CCDC85A: variants seen among roughly 807,000 people sequenced by gnomAD.
CCDC85A encodes the protein coiled-coil domain containing 85A.
CCDC85A carries 38 observed loss-of-function variants against 50.2 expected under a neutral mutation model. That is an observed-to-expected ratio of 0.76 (90% CI 0.58 to 0.99). The LOEUF is 0.99. Among genes scored for constraint, CCDC85A ranks in the 50% least tolerant of loss-of-function variants. The pLI is 0.00. For synonymous variants in CCDC85A, 366 were observed against 301.4 expected (o/e 1.21, Z -2.22); for missense variants, 820 against 742.0 (o/e 1.11, Z -1.22).
At chr2:56,328,584 C>T (rs190188758) in intron 2 of CCDC85A, among the ~76,000 whole-genome samples, 27 of 152,284 alleles carry the variant, frequency 1.8e-4, no homozygotes, top group African/African-American at 4.8e-4. Context: ...TTCCCTTCCT[C>T]GTCTGGTGGA....
In CCDC85A at chr2:56,193,392, C is replaced by T; in HGVS notation, c.1192C>T (p.Gln398Ter). 1 of 1,611,112 alleles carries T rather than the reference C, an allele frequency of 6.2e-7. No homozygotes were observed. Among genetic ancestry groups the T allele is most frequent in the Non-Finnish European group, 8.5e-7 (1 of 1,178,642 alleles). ...GGAGGGCACCCTCAGACGGCAGGCA[C>T]AGGAGGACGGGTCACCCCATCACCG... is the stretch of plus-strand genomic sequence containing the variant. Reference protein sequence around the residue: ...SREGTLRRQAQEDGSPHHRNV... With the variant: ...SREGTLRRQA The change falls in exon 2 of 6, where the codon CAG becomes TAG. Residue 398 changes from glutamine to a stop codon, truncating the protein, a stop_gained. Transcript: ENST00000407595. LOFTEE classifies it high-confidence loss of function.
chr2:56,338,034 C>T (rs1674164204), intron 2 of CCDC85A, among the ~76,000 whole-genome samples: 1 of 152,158 alleles, frequency 6.6e-6, no homozygotes, highest in Admixed American at 6.5e-5. Context: ...CCGCCTGCCT[C>T]AGCCTCCCAA....
intron 2 of CCDC85A, among the ~76,000 whole-genome samples, chr2:56,316,139 G>T (rs1296097797): frequency 6.6e-6 from 1 of 152,116 alleles, no homozygotes; most frequent in Non-Finnish European, 1.5e-5. Context: ...ATTTGGGTTA[G>T]TTAACAGCTG....
At chr2:56,189,312 T>TTTTTTTTTTTTTTTTTTA (rs1572998269) in intron 1 of CCDC85A, among the ~76,000 whole-genome samples, 4 of 149,848 alleles carry the variant, frequency 2.7e-5, no homozygotes, top group Non-Finnish European at 4.4e-5. Flanking sequence ...TTTTTTTTTT[T>TTTTTTTTTTTTTTTTTTA]GAGACAAGGT....
At chr2:56,240,229 T>C (rs186679237) in intron 2 of CCDC85A, among the ~76,000 whole-genome samples, 39 of 152,294 alleles carry the variant, frequency 2.6e-4, no homozygotes, top group African/African-American at 8.7e-4. Flanking sequence ...TTCGTTTGCA[T>C]AGGGTATAAC....
intron 2 of CCDC85A, among the ~76,000 whole-genome samples, chr2:56,193,845 G>C (rs1676422880): frequency 6.6e-6 from 1 of 152,130 alleles, no homozygotes; most frequent in Non-Finnish European, 1.5e-5. Flanking sequence ...GTTGCCAAAA[G>C]GATTTTGAAT....
chr2:56,279,546 A>G (rs1671112320), intron 2 of CCDC85A, among the ~76,000 whole-genome samples: 1 of 152,166 alleles, frequency 6.6e-6, no homozygotes, highest in Non-Finnish European at 1.5e-5. Flanking sequence ...AACTGTAATT[A>G]TATATCCTTT....
chr2:56,355,159 C>G (rs1425300585), intron 3 of CCDC85A, among the ~76,000 whole-genome samples: 1 of 152,186 alleles, frequency 6.6e-6, no homozygotes, highest in African/African-American at 2.4e-5. Flanking sequence ...CCCACGGCTC[C>G]TAGGATTGGA....
chr2:56,366,896 C>T (rs1014988985), intron 3 of CCDC85A, among the ~76,000 whole-genome samples: 5 of 152,192 alleles, frequency 3.3e-5, no homozygotes, highest in Admixed American at 2.6e-4. Context: ...ATGATTTAAT[C>T]TCTCTTTTAT....
intron 2 of CCDC85A, among the ~76,000 whole-genome samples, chr2:56,204,868 T>C (rs1443121247): frequency 2.0e-5 from 3 of 152,178 alleles, no homozygotes; most frequent in East Asian, 1.9e-4. Context: ...CACATCCTCT[T>C]TGAAGCACCA....
Position 56,300,760 on chromosome 2 carries a change from G to C in CCDC85A, c.1241-42119G>C, listed in dbSNP as rs555085503. On this transcript the variant is annotated intron_variant, in intron 2 of 5. Transcript: ENST00000407595. ...CATGATAAAAACAGGTAGCAGTCTT[G>C]GGCATGACAGCCAGTATGAAAGACT... Among the ~76,000 whole-genome samples the C allele has an allele frequency of 1.5e-4, 23 of 152,264 alleles. No individual in the cohort carries two copies. In the South Asian group the frequency reaches 4.8e-3, roughly 32 times the overall value.
chr2:56,323,281 C>A (rs1673303541), intron 2 of CCDC85A, among the ~76,000 whole-genome samples: 1 of 151,926 alleles, frequency 6.6e-6, no homozygotes. Context: ...TGCTCTAGAA[C>A]TTAAAGTAAA....
intron 3 of CCDC85A, among the ~76,000 whole-genome samples, chr2:56,367,358 G>A (rs1402447257): frequency 6.6e-6 from 1 of 152,056 alleles, no homozygotes; most frequent in African/African-American, 2.4e-5. Flanking sequence ...ACCATTTGAG[G>A]GCTGAAGCTT....
At chr2:56,214,972 CTT>C (rs1169666777) in intron 2 of CCDC85A, among the ~76,000 whole-genome samples, 9 of 152,026 alleles carry the variant, frequency 5.9e-5, no homozygotes, top group African/African-American at 2.2e-4. Flanking sequence ...AGAATTGATA[CTT>C]TAACAGTATT....
intron 2 of CCDC85A, among the ~76,000 whole-genome samples, chr2:56,310,275 A>G (rs1246987145): frequency 1.3e-5 from 2 of 152,154 alleles, no homozygotes; most frequent in Non-Finnish European, 2.9e-5. Context: ...AAGTCTAGGT[A>G]GGAGAGCTGT....
intron 4 of CCDC85A, 59 bp from the exon 5 acceptor site, chr2:56,375,757 A>G: frequency 6.4e-7 from 1 of 1,552,264 alleles, no homozygotes; most frequent in Non-Finnish European, 8.8e-7. Flanking sequence ...ATTGAATGAC[A>G]TCTTTGTAGT....
chr2:56,189,883 G>A (rs1676225269), intron 1 of CCDC85A, among the ~76,000 whole-genome samples: 2 of 152,160 alleles, frequency 1.3e-5, no homozygotes, highest in Admixed American at 1.3e-4. Context: ...AGGCAGGGAG[G>A]CTGCCTGGGA....
intron 2 of CCDC85A, among the ~76,000 whole-genome samples, chr2:56,255,625 C>T (rs975226247): frequency 2.0e-5 from 3 of 151,934 alleles, no homozygotes; most frequent in East Asian, 1.9e-4. Flanking sequence ...ATGCCCTACA[C>T]GTTAAAGAAG....
chr2:56,296,487 C>A (rs538022668), intron 2 of CCDC85A, among the ~76,000 whole-genome samples: 2 of 152,114 alleles, frequency 1.3e-5, no homozygotes, highest in African/African-American at 4.8e-5. Flanking sequence ...CGTCACCAGG[C>A]GCCCTATTAT....
Sources: gnomAD v4.1 joint callset for allele counts (sites outside exome capture counted in the v4.1 genomes callset) on GRCh38, gnomAD v4.1.1 for gene constraint, MANE v1.5 for transcripts, NCBI Gene and HGNC (gene_info 2026-07-23, HGNC 2026-07-21) for gene names.